The following PABPC4L variants were observed in gnomAD, a reference collection of about 807,000 sequenced individuals.
PABPC4L encodes the protein poly(A) binding protein cytoplasmic 4 like.
For missense variants in PABPC4L, 452 were observed against 451.4 expected (o/e 1.00, Z -0.01); for synonymous variants, 169 against 164.1 (o/e 1.03, Z -0.23).
the PABPC4L span, among the ~76,000 whole-genome samples, chr4:134,033,852 A>C: frequency 6.6e-6 from 1 of 152,000 alleles, no homozygotes; most frequent in Non-Finnish European, 1.5e-5. Flanking sequence ...TAAAAGTGTA[A>C]GGTGAAGCAT....
chr4:134,151,905 C>T, the PABPC4L span, among the ~76,000 whole-genome samples: 385 of 151,522 alleles, frequency 2.5e-3, 5 homozygotes, highest in African/African-American at 8.6e-3. Context: ...AAATTAAAAA[C>T]TATATTATCA....
At chr4:133,985,694 T>C in the PABPC4L span, among the ~76,000 whole-genome samples, 3 of 152,074 alleles carry the variant, frequency 2.0e-5, no homozygotes, top group Non-Finnish European at 4.4e-5. Flanking sequence ...GGTAGTAAAA[T>C]TGCTTGAGGC....
Position 134,200,687 on chromosome 4 carries a change from G to A in PABPC4L, c.333C>T (p.Asn111=), listed in dbSNP as rs368006643. Residue 111 remains asparagine, a synonymous_variant, in exon 2 of 2, where the codon AAC becomes AAT. Coordinates refer to ENST00000421491, the MANE Select transcript of PABPC4L (RefSeq NM_001114734.2). ...CTGAAAAATGTTCATAAAGGGTTTT[G>A]TTATCGATAGATTTGTCCAGATTCT... ...FIKNLDKSID[N]KTLYEHFSAF... 5 of 1,551,652 alleles carry A rather than the reference G, an allele frequency of 3.2e-6. No individual in the cohort carries two copies. In the East Asian group the frequency reaches 7.3e-5, roughly 23 times the overall value.
the PABPC4L span, among the ~76,000 whole-genome samples, chr4:134,089,497 A>G: frequency 1.3e-5 from 2 of 152,112 alleles, no homozygotes; most frequent in Non-Finnish European, 2.9e-5. Flanking sequence ...CCATTATAAT[A>G]TCATATAGAG....
At chr4:134,114,975 G>T in the PABPC4L span, among the ~76,000 whole-genome samples, 250 of 151,780 alleles carry the variant, frequency 1.6e-3, no homozygotes, top group Middle Eastern at 6.8e-3. Context: ...CATTCTTTTT[G>T]ATCACTCCAA....
At chr4:134,024,407 T>C in the PABPC4L span, among the ~76,000 whole-genome samples, 1 of 152,144 alleles carries the variant, frequency 6.6e-6, no homozygotes, top group South Asian at 2.1e-4. Flanking sequence ...AATCAAGGTC[T>C]TATCAGTGTT....
chr4:134,039,964 C>T, the PABPC4L span, among the ~76,000 whole-genome samples: 59 of 151,962 alleles, frequency 3.9e-4, 1 homozygote, highest in East Asian at 0.01. Flanking sequence ...CTCCCTTTCA[C>T]AATTGCTACA....
the PABPC4L span, among the ~76,000 whole-genome samples, chr4:134,153,371 A>G: frequency 4.6e-5 from 7 of 151,866 alleles, no homozygotes; most frequent in Non-Finnish European, 8.8e-5. Flanking sequence ...ATATATATAT[A>G]TTTTAAATAT....
chr4:133,965,644 G>A, the PABPC4L span, among the ~76,000 whole-genome samples: 2 of 152,100 alleles, frequency 1.3e-5, no homozygotes, highest in African/African-American at 4.8e-5. Context: ...ACAGAATAGA[G>A]AATCCAGAAA....
chr4:134,194,913 C>A (rs2126195875), downstream of PABPC4L, among the ~76,000 whole-genome samples: 1 of 151,704 alleles, frequency 6.6e-6, no homozygotes, highest in African/African-American at 2.4e-5. Flanking sequence ...AATGGAAGGC[C>A]ATGAAAGGTT....
chr4:134,141,946 A>G, the PABPC4L span, among the ~76,000 whole-genome samples: 1 of 151,766 alleles, frequency 6.6e-6, no homozygotes, highest in East Asian at 1.9e-4. Context: ...TTTGAAAAAT[A>G]ACTGTCTGGC....
chr4:134,132,144 C>T, the PABPC4L span, among the ~76,000 whole-genome samples: 375 of 152,114 alleles, frequency 2.5e-3, 2 homozygotes, highest in African/African-American at 8.4e-3. Context: ...CCCTTCTAGA[C>T]ATTGGCATAG....
the PABPC4L span, among the ~76,000 whole-genome samples, chr4:134,182,760 C>CA: frequency 4.0e-5 from 6 of 151,462 alleles, no homozygotes; most frequent in African/African-American, 1.5e-4. Context: ...AATTTACAAG[C>CA]AAAAACTAAA....
the PABPC4L span, among the ~76,000 whole-genome samples, chr4:134,094,549 T>C: frequency 0.51 from 76,680 of 151,648 alleles, 20,555 homozygotes; most frequent in East Asian, 0.94. Flanking sequence ...ACATTAACTT[T>C]TTTTCAGCTA....
the PABPC4L span, among the ~76,000 whole-genome samples, chr4:134,186,775 A>G: frequency 6.6e-6 from 1 of 152,140 alleles, no homozygotes; most frequent in Non-Finnish European, 1.5e-5. Flanking sequence ...ATGGGAAAAA[A>G]TTTTTGCAAT....
At chr4:133,962,439 CA>C in the PABPC4L span, among the ~76,000 whole-genome samples, 2 of 152,134 alleles carry the variant, frequency 1.3e-5, no homozygotes. Context: ...AAAGAAAAAA[CA>C]ATAAAAACTT....
chr4:134,006,593 A>G, the PABPC4L span, among the ~76,000 whole-genome samples: 1 of 151,898 alleles, frequency 6.6e-6, no homozygotes, highest in Non-Finnish European at 1.5e-5. Flanking sequence ...GCATCCAATA[A>G]CATGCTTCTC....
the PABPC4L span, among the ~76,000 whole-genome samples, chr4:133,992,506 A>G: frequency 6.6e-6 from 1 of 152,150 alleles, no homozygotes; most frequent in Non-Finnish European, 1.5e-5. Flanking sequence ...AGTGATATGT[A>G]GTTTTACCTG....
chr4:134,088,329 C>T, the PABPC4L span, among the ~76,000 whole-genome samples: 366 of 152,208 alleles, frequency 2.4e-3, no homozygotes, highest in African/African-American at 8.3e-3. Context: ...GGTTCAAAAG[C>T]ACCTCTACTA....
Sources: gnomAD v4.1 joint callset for allele counts (sites outside exome capture counted in the v4.1 genomes callset) on GRCh38, gnomAD v4.1.1 for gene constraint, MANE v1.5 for transcripts, NCBI Gene and HGNC (gene_info 2026-07-23, HGNC 2026-07-21) for gene names.